MYH13: variants seen among roughly 807,000 people sequenced by gnomAD.
MYH13 encodes the protein myosin-13.
A neutral mutation model predicts 232.1 loss-of-function variants in MYH13; 177 were observed. The ratio of observed to expected loss-of-function variants is 0.76; its 90% CI spans 0.67 to 0.86. The LOEUF is 0.86. MYH13 is among the 40% of genes least tolerant of loss of function. The pLI is 0.00. For missense variants in MYH13, 2,246 were observed against 2,405.9 expected, an observed-to-expected ratio of 0.93 and a Z score of 1.39; for synonymous variants, 884 against 923.5, an observed-to-expected ratio of 0.96 and a Z score of 0.78.
rs756947507 is a variant in MYH13, at chr17:10,328,129, C to T, written c.2436-8G>A. The T allele has an allele frequency of 6.2e-7, 1 of 1,610,524 alleles. No homozygotes were observed. Among genetic ancestry groups the T allele is most frequent in the Non-Finnish European group, 8.5e-7 (1 of 1,179,086 alleles). ...ATGCAGAAGATGGAGTCCCTGTACA[C>T]CCATTAGGACTCAAATTAATAAATC... is the stretch of plus-strand genomic sequence containing the variant. On this transcript the variant is annotated splice_polypyrimidine_tract_variant and splice_region_variant and intron_variant, in intron 21 of 40. Coordinates refer to ENST00000252172, the MANE Select transcript of MYH13 (RefSeq NM_003802.3).
intron 16 of MYH13, chr17:10,341,321 G>A (rs943670520): frequency 6.6e-6 from 1 of 151,924 alleles, no homozygotes; most frequent in African/African-American, 2.4e-5. Context: ...CAAAGTGCTG[G>A]GATTACAGGC....
chr17:10,315,997 A>C lies in MYH13; in HGVS notation c.3767T>G (p.Val1256Gly). ...KSNIERTCRT[V>G]EDQFSEIKAK... ...TTTGATTTCACTAAATTGATCTTCTACCGTCCGGCACGTTCTTTCTATGTT... is the reference window on the plus strand; with the variant it reads ...TTTGATTTCACTAAATTGATCTTCTCCCGTCCGGCACGTTCTTTCTATGTT... Residue 1256 changes from valine to glycine, a missense_variant, in exon 28 of 41, where the codon GTA (valine) becomes GGA (glycine). By Grantham distance (109) the Val-to-Gly change is moderately radical (BLOSUM62 -3). Transcript: ENST00000252172. The C allele has an allele frequency of 6.2e-7, 1 of 1,613,978 alleles. No homozygotes were observed. Among genetic ancestry groups the C allele is most frequent in the East Asian group, 2.2e-5 (1 of 44,880 alleles).
chr17:10,319,520 AG>A (rs35337262), intron 26 of MYH13, among the ~76,000 whole-genome samples: 95,536 of 141,246 alleles, frequency 0.68, 32,506 homozygotes, highest in Non-Finnish European at 0.7. Context: ...AAAAAAAAAA[AG>A]AAGAATACAT....
chr17:10,314,976 TG>T (rs1216346174), intron 29 of MYH13, among the ~76,000 whole-genome samples: 1 of 152,148 alleles, frequency 6.6e-6, no homozygotes, highest in African/African-American at 2.4e-5. Context: ...GGAGCCTTCT[TG>T]GAGGAGGGGA....
chr17:10,329,072 G>A (rs1907322156), intron 21 of MYH13, among the ~76,000 whole-genome samples: 2 of 152,132 alleles, frequency 1.3e-5, no homozygotes, highest in South Asian at 4.1e-4. Context: ...CATAGCTTAT[G>A]GATTCCTGAA....
At chr17:10,369,720 C>G (rs964153552) in intron 2 of MYH13, among the ~76,000 whole-genome samples, 5 of 152,128 alleles carry the variant, frequency 3.3e-5, no homozygotes, top group Non-Finnish European at 7.4e-5. Context: ...TTACTCTAAC[C>G]GTGACTCAGA....
At position 10,303,441 on chromosome 17, in the gene MYH13, T is replaced by C. The variant is rs1428854180; in HGVS notation, c.5524A>G (p.Lys1842Glu). The C allele has an allele frequency of 6.2e-7, 1 of 1,614,006 alleles. No homozygotes were observed. Among genetic ancestry groups the C allele is most frequent in the East Asian group, 2.2e-5 (1 of 44,880 alleles). ...TTGCGTTCGTACTTGTGGGCTCCCT[T>C]CAGGGCTTCAGCTCCCCTCTTCTGT... ...VEQKRGAEAL[K>E]GAHKYERKVK... is the part of the protein sequence containing the mutation. Residue 1842 changes from lysine to glutamate, a missense_variant, in exon 38 of 41, where the codon AAG becomes GAG. Coordinates refer to ENST00000252172, the MANE Select transcript of MYH13 (RefSeq NM_003802.3).
At position 10,306,800 on chromosome 17, in the gene MYH13, AC is replaced by A; in HGVS notation, c.5295+138del. On this transcript the variant is annotated intron_variant, in intron 36 of 40. Coordinates refer to ENST00000252172, the MANE Select transcript of MYH13 (RefSeq NM_003802.3). This position sits in a 1 kb window ranked among gnomAD's most constrained non-coding sequence, Gnocchi z 4.3. ...CCCACTTTGCCACTGCTGAGACTGT[AC>A]CTCATTACATCTGTCTGGGAAGCCA... is the stretch of plus-strand genomic sequence containing the variant. 1 of 1,532,694 alleles carries A rather than the reference AC, an allele frequency of 6.5e-7. No homozygotes were observed. Among genetic ancestry groups the A allele is most frequent in the South Asian group, 1.3e-5 (1 of 79,978 alleles). The allele number at this position is 1,532,694 out of a possible 1,614,324, so 94.9% of individuals were successfully genotyped here. A position where few individuals can be genotyped will look rare whatever the true frequency, so the allele number is the denominator to read the frequency against.
chr17:10,331,049 A>G (rs995054688), intron 20 of MYH13, among the ~76,000 whole-genome samples: 13 of 151,882 alleles, frequency 8.6e-5, no homozygotes, highest in Non-Finnish European at 1.6e-4. Context: ...CAACAACAAC[A>G]ACGACAAAAA....
intron 23 of MYH13, among the ~76,000 whole-genome samples, 168 bp from the exon 24 acceptor site, chr17:10,321,876 G>A (rs972145184): frequency 6.6e-6 from 1 of 152,032 alleles, no homozygotes; most frequent in East Asian, 1.9e-4. Context: ...CTTCCTTAAC[G>A]GTCTATCATG....
intron 35 of MYH13, among the ~76,000 whole-genome samples, chr17:10,308,302 G>A (rs1158527871): frequency 7.2e-6 from 1 of 139,036 alleles, no homozygotes; most frequent in African/African-American, 2.7e-5. Context: ...CCAGCCTGGC[G>A]ACAGAAAGAG....
At chr17:10,311,807 G>T in intron 32 of MYH13, 104 bp downstream of exon 32, 1 of 1,329,282 alleles carries the variant, frequency 7.5e-7, no homozygotes, top group Non-Finnish European at 1.1e-6. Flanking sequence ...GGATCGTGTG[G>T]GGCAGTGGGA....
intron 18 of MYH13, among the ~76,000 whole-genome samples, chr17:10,336,418 T>G (rs1008138131): frequency 5.9e-5 from 9 of 152,208 alleles, no homozygotes; most frequent in Non-Finnish European, 1.3e-4. Context: ...TCTTGGCCTC[T>G]GTGGGCAGTG....
At chr17:10,338,686 C>G (rs1413567931) in intron 18 of MYH13, among the ~76,000 whole-genome samples, 2 of 89,174 alleles carry the variant, frequency 2.2e-5, no homozygotes, top group Non-Finnish European at 2.5e-5. Context: ...CACTTTTATC[C>G]TTGTTTTTTT....
At chr17:10,354,264 A>G (rs1189450898) in intron 11 of MYH13, among the ~76,000 whole-genome samples, 2 of 152,238 alleles carry the variant, frequency 1.3e-5, no homozygotes, top group East Asian at 1.9e-4. Flanking sequence ...AAAGGCAGAA[A>G]GAAAAATGGA....
chr17:10,315,293 GTTTC>G (rs1031749914), intron 29 of MYH13, among the ~76,000 whole-genome samples: 17 of 152,170 alleles, frequency 1.1e-4, no homozygotes, highest in Admixed American at 2.6e-4. Context: ...GAAGCAACAG[GTTTC>G]TTTCTTTCTT....
chr17:10,307,346 G>A (rs1029870045), intron 35 of MYH13, among the ~76,000 whole-genome samples: 5 of 151,882 alleles, frequency 3.3e-5, no homozygotes, highest in African/African-American at 9.7e-5. Context: ...AAAAAGTCTT[G>A]GAACAAGGAA....
chr17:10,319,508 C>CAAAAA (rs757587723), intron 26 of MYH13, among the ~76,000 whole-genome samples: 15,366 of 60,228 alleles, frequency 0.26, 1,053 homozygotes, highest in South Asian at 0.4. Flanking sequence ...GACTCGGTCT[C>CAAAAA]AAAAAAAAAA....
At chr17:10,332,928 G>A (rs1907459133) in intron 19 of MYH13, 146 bp downstream of exon 19, 1 of 694,464 alleles carries the variant, frequency 1.4e-6, no homozygotes, top group East Asian at 2.7e-5. Context: ...TGTGGGCATG[G>A]GATCAGTTCC....
Sources: gnomAD v4.1 joint callset for allele counts (sites outside exome capture counted in the v4.1 genomes callset) on GRCh38, gnomAD v4.1.1 for gene constraint, Gnocchi (gnomAD v3.1) non-coding constraint, MANE v1.5 for transcripts, NCBI Gene and HGNC (gene_info 2026-07-23, HGNC 2026-07-21) for gene names.